The following SLC38A12 variants were observed in gnomAD, a reference collection of about 807,000 sequenced individuals.
SLC38A12 encodes the protein putative sodium-coupled neutral amino acid transporter 12.
the SLC38A12 span, among the ~76,000 whole-genome samples, chr17:74,812,430 A>C: frequency 6.6e-6 from 1 of 152,220 alleles, no homozygotes; most frequent in Non-Finnish European, 1.5e-5. Context: ...CACTTGAGAA[A>C]TAAAAATAGA....
the SLC38A12 span, among the ~76,000 whole-genome samples, chr17:74,830,876 G>A: frequency 3.3e-5 from 5 of 152,238 alleles, no homozygotes; most frequent in African/African-American, 2.4e-5. Flanking sequence ...TCAGTGTGGC[G>A]AGGCCTGCGT....
At chr17:74,817,224 G>A in the SLC38A12 span, among the ~76,000 whole-genome samples, 7 of 152,124 alleles carry the variant, frequency 4.6e-5, no homozygotes, top group Admixed American at 6.5e-5. Context: ...GTGTGAGCTC[G>A]CAGTCCTATG....
At chr17:74,792,573 T>C in the SLC38A12 span, among the ~76,000 whole-genome samples, 1 of 152,238 alleles carries the variant, frequency 6.6e-6, no homozygotes, top group Admixed American at 6.5e-5. Flanking sequence ...TCTTCGAAGA[T>C]TTTCTGCCCC....
the SLC38A12 span, among the ~76,000 whole-genome samples, chr17:74,782,658 A>G: frequency 1.3e-5 from 2 of 152,196 alleles, no homozygotes; most frequent in South Asian, 2.1e-4. Flanking sequence ...AAGACCAGCA[A>G]TGGGCTGTGT....
At chr17:74,786,653 G>A in the SLC38A12 span, among the ~76,000 whole-genome samples, 4 of 152,200 alleles carry the variant, frequency 2.6e-5, no homozygotes, top group Non-Finnish European at 4.4e-5. Flanking sequence ...GGGTGCGGGC[G>A]GAAGGATGAG....
At chr17:74,819,812 G>A in the SLC38A12 span, 4 of 1,614,104 alleles carry the variant, frequency 2.5e-6, no homozygotes, top group African/African-American at 5.3e-5. Context: ...CCAAGTACCT[G>A]CAGATCCTGA....
the SLC38A12 span, among the ~76,000 whole-genome samples, chr17:74,833,228 T>G: frequency 6.6e-6 from 1 of 152,384 alleles, no homozygotes; most frequent in Non-Finnish European, 1.5e-5. Context: ...GTTGCCAGGC[T>G]GGTCTCAAAC....
At chr17:74,778,488 G>A in the SLC38A12 span, among the ~76,000 whole-genome samples, 1 of 152,124 alleles carries the variant, frequency 6.6e-6, no homozygotes, top group Non-Finnish European at 1.5e-5. Context: ...ATTGTGGTGT[G>A]ATGGACAAGG....
the SLC38A12 span, among the ~76,000 whole-genome samples, chr17:74,833,731 C>T: frequency 6.6e-6 from 1 of 152,204 alleles, no homozygotes; most frequent in Non-Finnish European, 1.5e-5. Flanking sequence ...AGGAATTCTC[C>T]ACTTGCCTTT....
the SLC38A12 span, among the ~76,000 whole-genome samples, chr17:74,799,307 G>A: frequency 3.3e-5 from 5 of 152,352 alleles, no homozygotes; most frequent in South Asian, 2.1e-4. Context: ...GAACAGAGCC[G>A]GGAACGCAGA....
the SLC38A12 span, among the ~76,000 whole-genome samples, chr17:74,791,704 C>G: frequency 1.3e-5 from 2 of 152,242 alleles, no homozygotes; most frequent in African/African-American, 4.8e-5. Flanking sequence ...GAGACCGGAG[C>G]CCTGAAGTGT....
At chr17:74,798,154 G>A in the SLC38A12 span, among the ~76,000 whole-genome samples, 2 of 152,130 alleles carry the variant, frequency 1.3e-5, no homozygotes, top group Non-Finnish European at 2.9e-5. Flanking sequence ...CCCTACCCAG[G>A]CTGCATTTTT....
chr17:74,800,369 C>G, the SLC38A12 span, among the ~76,000 whole-genome samples: 2 of 152,218 alleles, frequency 1.3e-5, no homozygotes, highest in East Asian at 1.9e-4. Flanking sequence ...CCCCTCACTC[C>G]TAGATAGCAA....
chr17:74,795,897 G>A, the SLC38A12 span, among the ~76,000 whole-genome samples: 12 of 152,216 alleles, frequency 7.9e-5, no homozygotes, highest in East Asian at 1.9e-4. Flanking sequence ...ATTCAGGACC[G>A]TGACTGTTGT....
chr17:74,809,622 T>C, the SLC38A12 span, among the ~76,000 whole-genome samples: 1 of 152,196 alleles, frequency 6.6e-6, no homozygotes, highest in Admixed American at 6.5e-5. Context: ...ATGCCGCCTC[T>C]TTCCCAGCCA....
chr17:74,838,479 C>A, the SLC38A12 span: 1 of 1,019,486 alleles, frequency 9.8e-7, no homozygotes, highest in Non-Finnish European at 1.2e-6. Context: ...GGCTCCAAAC[C>A]AAATCTTGGA....
At chr17:74,785,451 C>T in the SLC38A12 span, 17 of 1,601,356 alleles carry the variant, frequency 1.1e-5, no homozygotes, top group South Asian at 2.2e-5. Context: ...GATTAAGTTC[C>T]GGGCTTGAAT....
the SLC38A12 span, among the ~76,000 whole-genome samples, chr17:74,792,648 G>A: frequency 6.6e-6 from 1 of 152,178 alleles, no homozygotes; most frequent in Non-Finnish European, 1.5e-5. Flanking sequence ...AAATGTGGCT[G>A]CACTTAACTT....
At chr17:74,787,220 C>T in the SLC38A12 span, among the ~76,000 whole-genome samples, 2 of 152,162 alleles carry the variant, frequency 1.3e-5, no homozygotes, top group Non-Finnish European at 2.9e-5. Context: ...AGTGACCCCT[C>T]TGCCTCCTGC....
Sources: gnomAD v4.1 joint callset for allele counts (sites outside exome capture counted in the v4.1 genomes callset) on GRCh38, gnomAD v4.1.1 for gene constraint, MANE v1.5 for transcripts, NCBI Gene and HGNC (gene_info 2026-07-23, HGNC 2026-07-21) for gene names.